ITGA9: variants seen among roughly 807,000 people sequenced by gnomAD.
ITGA9 encodes integrin alpha-9.
A neutral mutation model predicts 127.8 loss-of-function variants in ITGA9; 56 were observed. That is an observed-to-expected ratio of 0.44 (90% CI 0.35 to 0.55). ITGA9 has a LOEUF of 0.55. Among genes scored for constraint, ITGA9 ranks in the 20% least tolerant of loss-of-function variants. The pLI is 0.00. For missense variants in ITGA9, 1,196 were observed against 1,347.1 expected (o/e 0.89, Z 1.76); for synonymous variants, 508 against 514.5 (o/e 0.99, Z 0.17).
chr3:37,759,798 G>A (rs558351102), intron 23 of ITGA9, among the ~76,000 whole-genome samples: 159 of 151,662 alleles, frequency 1.0e-3, no homozygotes, highest in South Asian at 2.3e-3. Flanking sequence ...CCAGCTACTC[G>A]GGAGGCTGAG....
chr3:37,624,045 T>G (rs894029357), intron 15 of ITGA9, among the ~76,000 whole-genome samples: 2 of 152,042 alleles, frequency 1.3e-5, no homozygotes, highest in Non-Finnish European at 2.9e-5. Flanking sequence ...TAAAAACACT[T>G]AGAAGATTTT....
chr3:37,748,266 G>T, intron 22 of ITGA9: 1 of 503,266 alleles, frequency 2.0e-6, no homozygotes, highest in South Asian at 1.6e-5. Flanking sequence ...AAAAAGGAAG[G>T]CCCCGCAAGT....
intron 1 of ITGA9, among the ~76,000 whole-genome samples, chr3:37,465,402 G>T (rs1358126389): frequency 6.6e-6 from 1 of 152,170 alleles, no homozygotes; most frequent in Non-Finnish European, 1.5e-5. Flanking sequence ...ACACCAGGAG[G>T]GGGTTTGGAG....
At position 37,517,516 on chromosome 3, in the gene ITGA9, G is replaced by T; in HGVS notation, c.1048G>T (p.Glu350Ter). 1 of 1,593,340 alleles carries T rather than the reference G, an allele frequency of 6.3e-7. No homozygotes were observed. Among genetic ancestry groups the T allele is most frequent in the East Asian group, 2.3e-5 (1 of 44,118 alleles). The change falls in exon 10 of 28, where the codon GAG (glutamate) becomes TAG (stop). Residue 350 changes from glutamate (E) to a stop codon, truncating the protein, a stop_gained. Coordinates refer to ENST00000264741, the MANE Select transcript of ITGA9 (RefSeq NM_002207.3). LOFTEE classifies it high-confidence loss of function. ...TCCTGTTTCCCAGGGAGCCCTCGAGGAGCAGCTGGCTCTGACTGGGGATGG... is the reference window on the plus strand; with the variant it reads ...TCCTGTTTCCCAGGGAGCCCTCGAGTAGCAGCTGGCTCTGACTGGGGATGG... ...YINRGNGALE[E>*]QLALTGDGAY...
chr3:37,793,123 T>C (rs1475616832), intron 26 of ITGA9, among the ~76,000 whole-genome samples: 2 of 151,824 alleles, frequency 1.3e-5, no homozygotes, highest in East Asian at 3.9e-4. Flanking sequence ...TCATCATCAT[T>C]ATTATTTTTA....
At chr3:37,593,288 G>A (rs1009071825) in intron 15 of ITGA9, among the ~76,000 whole-genome samples, 4 of 152,108 alleles carry the variant, frequency 2.6e-5, no homozygotes, top group African/African-American at 7.2e-5. Flanking sequence ...TTGTTATACT[G>A]TATTTTGGGT....
At chr3:37,600,860 C>T (rs1699916689) in intron 15 of ITGA9, among the ~76,000 whole-genome samples, 1 of 152,260 alleles carries the variant, frequency 6.6e-6, no homozygotes, top group Admixed American at 6.5e-5. Context: ...CACATATACA[C>T]ATTCCCACAT....
At chr3:37,537,730 G>A (rs938607183) in intron 14 of ITGA9, among the ~76,000 whole-genome samples, 9 of 152,298 alleles carry the variant, frequency 5.9e-5, no homozygotes, top group Admixed American at 5.9e-4. Flanking sequence ...TTCTAGATGA[G>A]CTCCGGGCCC....
chr3:37,810,525 C>T (rs1192699404), intron 27 of ITGA9, among the ~76,000 whole-genome samples: 1 of 152,088 alleles, frequency 6.6e-6, no homozygotes, highest in Non-Finnish European at 1.5e-5. Context: ...AAGCAATTCT[C>T]CTGCCTCAGC....
chr3:37,518,656 A>G (rs1699011550), intron 10 of ITGA9, among the ~76,000 whole-genome samples: 1 of 150,380 alleles, frequency 6.6e-6, no homozygotes, highest in South Asian at 2.1e-4. Flanking sequence ...TATGGCACGT[A>G]GTTTATATTT....
At chr3:37,566,309 G>A (rs953885917) in intron 15 of ITGA9, among the ~76,000 whole-genome samples, 11 of 152,038 alleles carry the variant, frequency 7.2e-5, no homozygotes, top group South Asian at 2.1e-4. Flanking sequence ...TGGATGTGCC[G>A]GACAAAGGTG....
chr3:37,814,780 A>T lies in ITGA9; in HGVS notation c.3010-4111A>T, dbSNP rs1041539752. ...TATAATAAACTTATACACATACATG[A>T]TATCTGTGATGTGAGTGGTATCCCC... On this transcript the variant is annotated intron_variant, in intron 27 of 27. Transcript: ENST00000264741. The surrounding 1 kb of genome is among the most constrained non-coding windows in gnomAD (Gnocchi z 4.3). Among the ~76,000 whole-genome samples, 3 of 152,176 alleles carry T rather than the reference A, an allele frequency of 2.0e-5. No individual in the cohort carries two copies. Among genetic ancestry groups the T allele is most frequent in the Non-Finnish European group, 4.4e-5 (3 of 68,032 alleles).
intron 17 of ITGA9, among the ~76,000 whole-genome samples, chr3:37,669,524 C>T (rs1700616988): frequency 6.6e-6 from 1 of 152,174 alleles, no homozygotes; most frequent in South Asian, 2.1e-4. Context: ...GCGGTAGAAC[C>T]TCATGTTTTA....
In ITGA9 at chr3:37,711,895, T is replaced by TG. The variant is rs201603656; in HGVS notation, c.2068-20814dup. On this transcript the variant is annotated intron_variant, in intron 18 of 27. Transcript: ENST00000264741. Reference sequence around the variant, plus strand: ...CAGCAGCTGCACTTCTGAATGCTGGTGGGCACGGACGGGGTTTGATGTCCA... The same window carrying TG: ...CAGCAGCTGCACTTCTGAATGCTGGTGGGGCACGGACGGGGTTTGATGTCCA... 1.5e-3 allele frequency among the ~76,000 whole-genome samples: 230 copies of TG among 152,280 alleles called. No homozygotes were observed. The Middle Eastern group carries it at 0.02, about 14-fold the overall frequency.
intron 23 of ITGA9, among the ~76,000 whole-genome samples, chr3:37,758,300 G>A (rs375764891): frequency 2.7e-4 from 36 of 130,986 alleles, no homozygotes; most frequent in African/African-American, 9.3e-4. Flanking sequence ...TCCGCAGTCC[G>A]GCCTGGGCGA....
intron 4 of ITGA9, among the ~76,000 whole-genome samples, chr3:37,487,416 G>C (rs1698621630): frequency 6.6e-6 from 1 of 152,190 alleles, no homozygotes; most frequent in South Asian, 2.1e-4. Flanking sequence ...TTTCCTTGGA[G>C]CCAAGAATTT....
intron 23 of ITGA9, among the ~76,000 whole-genome samples, chr3:37,773,643 G>A (rs1291626093): frequency 6.6e-6 from 1 of 151,752 alleles, no homozygotes; most frequent in Non-Finnish European, 1.5e-5. Flanking sequence ...CCTTTGAGGT[G>A]GGGGGAGTGG....
At position 37,468,970 on chromosome 3, in the gene ITGA9, G is replaced by A. The variant is rs541294462; in HGVS notation, c.186-2037G>A. Among the ~76,000 whole-genome samples, 6 of 152,350 alleles carry A rather than the reference G, an allele frequency of 3.9e-5. 1 individual carries two copies. In the South Asian group the frequency reaches 1.2e-3, roughly 32 times the overall value. ...GTCCAAGACCTTTTCCAAATGGCTC[G>A]TAGCTCAGCACAAACCGTGCCTGAT... is the stretch of plus-strand genomic sequence containing the variant. On this transcript the variant is annotated intron_variant, in intron 1 of 27. Coordinates refer to ENST00000264741, the MANE Select transcript of ITGA9 (RefSeq NM_002207.3).
At chr3:37,639,258 G>T (rs569131184) in intron 16 of ITGA9, among the ~76,000 whole-genome samples, 1 of 152,200 alleles carries the variant, frequency 6.6e-6, no homozygotes, top group Non-Finnish European at 1.5e-5. Context: ...CAATTCAATT[G>T]TGTGTCTACT....
Sources: gnomAD v4.1 joint callset for allele counts (sites outside exome capture counted in the v4.1 genomes callset) on GRCh38, gnomAD v4.1.1 for gene constraint, Gnocchi (gnomAD v3.1) non-coding constraint, MANE v1.5 for transcripts, NCBI Gene and HGNC (gene_info 2026-07-23, HGNC 2026-07-21) for gene names.